The following BCAS3 variants were observed in gnomAD, a reference collection of about 807,000 sequenced individuals.
The protein encoded by BCAS3 is BCAS3 microtubule associated cell migration factor.
In BCAS3, 53 loss-of-function variants were observed where a neutral mutation model predicts 116.1. The observed-to-expected ratio is 0.46, with a 90% CI of 0.37 to 0.57. The LOEUF is 0.57. Ranked by LOEUF, BCAS3 falls within the 20% of genes least tolerant of loss-of-function variation. The pLI is 0.00. For missense variants in BCAS3, 917 were observed against 1,165.4 expected (o/e 0.79, Z 3.10); for synonymous variants, 391 against 408.2 (o/e 0.96, Z 0.51).
At chr17:60,739,790 G>T (rs1045606115) in intron 5 of BCAS3, among the ~76,000 whole-genome samples, 1 of 151,816 alleles carries the variant, frequency 6.6e-6, no homozygotes, top group Non-Finnish European at 1.5e-5. Context: ...AAATTCCCTC[G>T]GTTCCTGTTT....
rs148455332 is a variant in BCAS3 at position 61,083,481 on chromosome 17, A to G, written c.2328-986A>G. On this transcript the variant is annotated intron_variant, in intron 21 of 23. Coordinates refer to ENST00000407086, the MANE Select transcript of BCAS3 (RefSeq NM_017679.5). This position sits in a 1 kb window ranked among gnomAD's most constrained non-coding sequence, Gnocchi z 4.9. ...TGTTGTAATAAGTTTTTGTTTCACT[A>G]AGTTGCCTGGGACTTTCAGATCTTT... Among the ~76,000 whole-genome samples, 163 of 152,282 alleles carry G rather than the reference A, an allele frequency of 1.1e-3. 2 individuals are homozygous for G. The East Asian group carries it at 0.017, about 16-fold the overall frequency.
chr17:60,698,692 A>G (rs1191459789), intron 4 of BCAS3, among the ~76,000 whole-genome samples: 2 of 152,190 alleles, frequency 1.3e-5, no homozygotes, highest in Non-Finnish European at 2.9e-5. Context: ...TTTCTCATTC[A>G]GTTATGAGTA....
chr17:61,373,816 T>G (rs1219206579), intron 23 of BCAS3, among the ~76,000 whole-genome samples: 1 of 133,598 alleles, frequency 7.5e-6, no homozygotes, highest in East Asian at 2.2e-4. Context: ...TTGTTTTTTT[T>G]TTTTTTTTTT....
rs772551288 is a variant in BCAS3, at chr17:60,709,252, A to G, written c.248A>G (p.His83Arg). The change falls in exon 5 of 24, where the codon CAT (histidine) becomes CGT (arginine). Residue 83 changes from histidine (H) to arginine (R), a missense_variant. Coordinates refer to ENST00000407086, the MANE Select transcript of BCAS3 (RefSeq NM_017679.5). ...TSRNLEFHEIHSTGNEPPLLI... is the reference protein window; with the variant it reads ...TSRNLEFHEIRSTGNEPPLLI... ...AGAAATCTGGAATTTCATGAAATAC[A>G]TAGTACTGGGAATGAACCGCCTTTG... The G allele has an allele frequency of 5.0e-6, 8 of 1,589,744 alleles. No individual in the cohort carries two copies. Among genetic ancestry groups the G allele is most frequent in the East Asian group, 2.2e-5 (1 of 44,776 alleles).
At chr17:61,039,048 C>T (rs1460824219) in intron 18 of BCAS3, among the ~76,000 whole-genome samples, 1 of 152,186 alleles carries the variant, frequency 6.6e-6, no homozygotes, top group Non-Finnish European at 1.5e-5. Flanking sequence ...TCACTGCAAT[C>T]AGTTCTCATC....
intron 19 of BCAS3, among the ~76,000 whole-genome samples, chr17:61,045,538 G>C (rs984369073): frequency 6.7e-6 from 1 of 150,302 alleles, no homozygotes; most frequent in Admixed American, 6.7e-5. Context: ...AAAAAGGCTA[G>C]GCGCAGTGGC....
chr17:60,892,413 A>G (rs1296255590), intron 10 of BCAS3, among the ~76,000 whole-genome samples: 3 of 151,558 alleles, frequency 2.0e-5, no homozygotes, highest in Non-Finnish European at 4.4e-5. Context: ...CCTGGATTCA[A>G]GTGATTCTGT....
intron 2 of BCAS3, among the ~76,000 whole-genome samples, chr17:60,680,329 G>C (rs576225780): frequency 7.9e-5 from 12 of 152,082 alleles, no homozygotes; most frequent in Non-Finnish European, 1.3e-4. Flanking sequence ...TTGTTATATA[G>C]GGAAACTCAT....
Position 61,244,905 on chromosome 17 carries a change from A to G in BCAS3, c.2426-123422A>G, listed in dbSNP as rs13380823. Among the ~76,000 whole-genome samples the G allele has an allele frequency of 0.11, 16,129 of 152,240 alleles. 1,019 individuals are homozygous for G. Among genetic ancestry groups the G allele is most frequent in the South Asian group, 0.19 (936 of 4,820 alleles). On this transcript the variant is annotated intron_variant, in intron 22 of 23. Transcript: ENST00000407086. This position sits in a 1 kb window ranked among gnomAD's most constrained non-coding sequence, Gnocchi z 4.9. ...AAAAAAGGATATATAGGGAAGGAGC[A>G]ATTTTTTAAAGATTTAACTGCAATT...
rs200098763 is a variant in BCAS3, at chr17:60,799,520, G to GTTTTTTTTTTTTTTTTTTTT, written c.404-8481_404-8480insTTTTTTTTTTTTTTTTTTTT. On this transcript the variant is annotated intron_variant, in intron 6 of 23. Transcript: ENST00000407086. ...AATATGTAAGTTTTTTGAGATTAGT[G>GTTTTTTTTTTTTTTTTTTTT]TTTGTTTTTTTTTTTTTTTTTTTTT... Among the ~76,000 whole-genome samples the GTTTTTTTTTTTTTTTTTTTT allele has an allele frequency of 2.6e-5, 3 of 117,644 alleles. 1 individual carries two copies. Among genetic ancestry groups the GTTTTTTTTTTTTTTTTTTTT allele is most frequent in the African/African-American group, 1.1e-4 (3 of 27,140 alleles). The allele number at this position is 117,644 out of a possible 152,430, so 77.2% of individuals were successfully genotyped here.
intron 6 of BCAS3, among the ~76,000 whole-genome samples, chr17:60,769,571 G>A (rs969066549): frequency 6.6e-6 from 1 of 152,100 alleles, no homozygotes; most frequent in South Asian, 2.1e-4. Context: ...CGTGGGGAAG[G>A]GGGAGGGCCC....
chr17:60,694,317 A>G (rs931812620), intron 4 of BCAS3, among the ~76,000 whole-genome samples: 1 of 151,892 alleles, frequency 6.6e-6, no homozygotes, highest in Non-Finnish European at 1.5e-5. Context: ...CCTGACCAAC[A>G]TGGTGAAACC....
At chr17:60,694,087 C>T (rs796958603) in intron 4 of BCAS3, among the ~76,000 whole-genome samples, 14 of 150,796 alleles carry the variant, frequency 9.3e-5, no homozygotes, top group Middle Eastern at 3.4e-3. Flanking sequence ...GGGGTTTCAC[C>T]ATGTTAGCCA....
At position 61,020,267 on chromosome 17, in the gene BCAS3, C is replaced by G. The variant is rs2065781214; in HGVS notation, c.1637+4366C>G. On this transcript the variant is annotated intron_variant, in intron 16 of 23. Coordinates refer to ENST00000407086, the MANE Select transcript of BCAS3 (RefSeq NM_017679.5). This position sits in a 1 kb window ranked among gnomAD's most constrained non-coding sequence, Gnocchi z 4.5. ...TTCTTATGTTTGCAAATACATATGC[C>G]TGAAAGCCTGTGCAGTGTCAGGGAC... is the stretch of plus-strand genomic sequence containing the variant. Among the ~76,000 whole-genome samples, 3 of 152,132 alleles carry G rather than the reference C, an allele frequency of 2.0e-5. No individual in the cohort carries two copies. The South Asian group carries it at 6.2e-4, about 32-fold the overall frequency.
At position 61,200,668 on chromosome 17, in the gene BCAS3, T is replaced by C. The variant is rs184762355; in HGVS notation, c.2425+116104T>C. On this transcript the variant is annotated intron_variant, in intron 22 of 23. Transcript: ENST00000407086. This position sits in a 1 kb window ranked among gnomAD's most constrained non-coding sequence, Gnocchi z 5.1. ...ATCCTCAGCTGTTTGGCTGGCTCTC[T>C]TATTATATTAGTATCTTTTTACTAT... 2.4e-4 allele frequency among the ~76,000 whole-genome samples: 37 copies of C among 152,338 alleles called. No homozygotes were observed. The highest frequency in any genetic ancestry group is 8.7e-4 in the African/African-American group (36 of 41,570).
At chr17:61,340,401 C>T (rs766204935) in intron 22 of BCAS3, among the ~76,000 whole-genome samples, 9 of 152,018 alleles carry the variant, frequency 5.9e-5, no homozygotes, top group Admixed American at 1.3e-4. Flanking sequence ...TCGATGAAGC[C>T]GTCATCTAAG....
rs148354240 is a variant in BCAS3 at position 61,037,629 on chromosome 17, G to A, written c.1763-260G>A. The stretch of plus-strand genomic sequence containing the variant: ...TCTACTAAAAATACAAAAATTAGCC[G>A]GGTGTGGTGACAGGAGCCTGTAATC... On this transcript the variant is annotated intron_variant, in intron 17 of 23. Transcript: ENST00000407086. This position sits in a 1 kb window ranked among gnomAD's most constrained non-coding sequence, Gnocchi z 4.7. Among the ~76,000 whole-genome samples, 1,160 of 152,192 alleles carry A rather than the reference G, an allele frequency of 7.6e-3. 6 individuals are homozygous for A. Among genetic ancestry groups the A allele is most frequent in the Non-Finnish European group, 0.014 (944 of 67,998 alleles).
Position 61,373,215 on chromosome 17 carries a change from G to A in BCAS3, c.2593+4721G>A, listed in dbSNP as rs538968372. On this transcript the variant is annotated intron_variant, in intron 23 of 23. Transcript: ENST00000407086. ...AGCAATTCTCCTGCCTCAGCTTCCC[G>A]AGTAACTGGGACTCAGATACCCACC... 2.7e-5 allele frequency among the ~76,000 whole-genome samples: 4 copies of A among 149,514 alleles called. No homozygotes were observed. The South Asian group carries it at 6.4e-4, about 24-fold the overall frequency.
At position 61,239,164 on chromosome 17, in the gene BCAS3, A is replaced by C. The variant is rs2083286599; in HGVS notation, c.2426-129163A>C. Among the ~76,000 whole-genome samples, 1 of 152,222 alleles carries C rather than the reference A, an allele frequency of 6.6e-6. No individual in the cohort carries two copies. Among genetic ancestry groups the C allele is most frequent in the South Asian group, 2.1e-4 (1 of 4,832 alleles). On this transcript the variant is annotated intron_variant, in intron 22 of 23. Coordinates refer to ENST00000407086, the MANE Select transcript of BCAS3 (RefSeq NM_017679.5). This position sits in a 1 kb window ranked among gnomAD's most constrained non-coding sequence, Gnocchi z 4.2. ...AGTGAGCTCATTTTTGAAATGCAAA[A>C]GCAAAAAGGAATAAAATAGCAGGTT...
Sources: allele counts gnomAD v4.1 joint callset (sites outside exome capture counted in the v4.1 genomes callset), GRCh38; gene constraint gnomAD v4.1.1; non-coding constraint Gnocchi (gnomAD v3.1); transcripts MANE v1.5; gene names NCBI Gene and HGNC (gene_info 2026-07-23, HGNC 2026-07-21).